NRXN3: variants seen among roughly 807,000 people sequenced by gnomAD.
The protein encoded by NRXN3 is neurexin III.
A neutral mutation model predicts 137.6 loss-of-function variants in NRXN3; 32 were observed. That is an observed-to-expected ratio of 0.23 (90% CI 0.18 to 0.31). NRXN3 has a LOEUF of 0.31. Ranked by LOEUF, NRXN3 falls within the 10% of genes least tolerant of loss-of-function variation. NRXN3 has a pLI of 1.00. For missense variants in NRXN3, 1,574 were observed against 2,062.5 expected, an observed-to-expected ratio of 0.76 and a Z score of 4.59; for synonymous variants, 798 against 784.5, an observed-to-expected ratio of 1.02 and a Z score of -0.29.
intron 16 of NRXN3, among the ~76,000 whole-genome samples, chr14:79,585,905 A>G (rs1463097527): frequency 6.6e-6 from 1 of 152,164 alleles, no homozygotes; most frequent in Admixed American, 6.5e-5. Context: ...ATTAATTACC[A>G]TGCCCACACC....
chr14:78,833,223 C>G (rs190364129), intron 10 of NRXN3, among the ~76,000 whole-genome samples: 64 of 152,246 alleles, frequency 4.2e-4, no homozygotes, highest in Admixed American at 3.3e-3. Flanking sequence ...GTTCAGTGAT[C>G]CTGACTGTGT....
At chr14:79,393,173 C>A (rs2094910263) in intron 15 of NRXN3, among the ~76,000 whole-genome samples, 1 of 151,876 alleles carries the variant, frequency 6.6e-6, no homozygotes, top group Non-Finnish European at 1.5e-5. Context: ...GAAGTCTTTG[C>A]TCACAGAAGT....
intron 16 of NRXN3, among the ~76,000 whole-genome samples, chr14:79,580,269 T>C (rs1303030571): frequency 6.6e-6 from 1 of 152,184 alleles, no homozygotes; most frequent in Non-Finnish European, 1.5e-5. Flanking sequence ...CAAATGTCCC[T>C]TTGATATATT....
chr14:79,634,716 T>A (rs913028346), intron 16 of NRXN3, among the ~76,000 whole-genome samples: 2 of 152,194 alleles, frequency 1.3e-5, no homozygotes, highest in East Asian at 3.9e-4. Flanking sequence ...TGCTCTTTCC[T>A]CTTTCCTTTA....
At chr14:79,128,731 G>A (rs2056974206) in intron 15 of NRXN3, among the ~76,000 whole-genome samples, 4 of 152,140 alleles carry the variant, frequency 2.6e-5, no homozygotes, top group Admixed American at 2.0e-4. Context: ...TCTATTGATT[G>A]GAATAGTTTC....
intron 8 of NRXN3, among the ~76,000 whole-genome samples, chr14:78,785,561 T>C (rs1021622835): frequency 2.0e-5 from 3 of 152,176 alleles, no homozygotes; most frequent in Non-Finnish European, 4.4e-5. Context: ...ACAATATACT[T>C]TGCCAGCCCT....
chr14:79,655,229 G>T (rs955257907), intron 16 of NRXN3, among the ~76,000 whole-genome samples: 1 of 152,172 alleles, frequency 6.6e-6, no homozygotes, highest in Non-Finnish European at 1.5e-5. Context: ...AGTCAGTAGG[G>T]AACAGGGTTA....
chr14:78,511,183 C>T (rs1052945918), intron 4 of NRXN3, among the ~76,000 whole-genome samples: 3 of 152,136 alleles, frequency 2.0e-5, no homozygotes, highest in Admixed American at 6.6e-5. Flanking sequence ...CAAAAAACAT[C>T]TAACAACGGA....
intron 15 of NRXN3, among the ~76,000 whole-genome samples, chr14:79,253,957 T>C (rs967426992): frequency 1.3e-5 from 2 of 152,236 alleles, no homozygotes; most frequent in East Asian, 3.8e-4. Flanking sequence ...TGTAAGTTCA[T>C]AGTTTCAGCT....
At chr14:79,745,159 ACACTT>A (rs2098975770) in intron 19 of NRXN3, among the ~76,000 whole-genome samples, 2 of 152,140 alleles carry the variant, frequency 1.3e-5, no homozygotes, top group Non-Finnish European at 2.9e-5. Flanking sequence ...AATGAGTTGT[ACACTT>A]GGTTAATTTC....
At chr14:79,233,567 A>G (rs994005057) in intron 15 of NRXN3, among the ~76,000 whole-genome samples, 2 of 152,152 alleles carry the variant, frequency 1.3e-5, no homozygotes, top group African/African-American at 4.8e-5. Flanking sequence ...GATGCCATTT[A>G]GAGAAACTTG....
chr14:79,162,476 C>T (rs542865427), intron 15 of NRXN3, among the ~76,000 whole-genome samples: 1 of 151,992 alleles, frequency 6.6e-6, no homozygotes, highest in African/African-American at 2.4e-5. Context: ...GTGAACTCAT[C>T]ATTTTTTATG....
At chr14:78,889,149 T>A (rs957493397) in intron 10 of NRXN3, among the ~76,000 whole-genome samples, 4 of 152,010 alleles carry the variant, frequency 2.6e-5, no homozygotes, top group Non-Finnish European at 5.9e-5. Context: ...ACTTTTAGAA[T>A]CCGATTTTCA....
chr14:79,160,520 G>GCATAAAT lies in NRXN3; in HGVS notation c.3262+172381_3262+172382insTAAATCA, dbSNP rs2060660973. Among the ~76,000 whole-genome samples, 4 of 152,044 alleles carry GCATAAAT rather than the reference G, an allele frequency of 2.6e-5. No homozygotes were observed. The South Asian group carries it at 8.3e-4, about 31-fold the overall frequency. ...GAAATCTGTCACCATAAAGCATAAA[G>GCATAAAT]CAAAATCCTTCCCTCCTTTACTGAA... On this transcript the variant is annotated intron_variant, in intron 15 of 20. Transcript: ENST00000335750.
At chr14:78,649,383 C>G (rs2097717577) in intron 5 of NRXN3, 3 of 510,778 alleles carry the variant, frequency 5.9e-6, no homozygotes, top group Non-Finnish European at 9.5e-6. Flanking sequence ...CTCCAACCCC[C>G]CCTTTTATCC....
intron 16 of NRXN3, among the ~76,000 whole-genome samples, chr14:79,563,338 C>T (rs1157422352): frequency 1.3e-5 from 2 of 152,024 alleles, no homozygotes; most frequent in Non-Finnish European, 2.9e-5. Context: ...CCAGTGGGTT[C>T]TCACCCTTCA....
chr14:78,283,732 C>T (rs2074763750), intron 3 of NRXN3, among the ~76,000 whole-genome samples: 1 of 152,190 alleles, frequency 6.6e-6, no homozygotes, highest in Admixed American at 6.5e-5. Flanking sequence ...TTGTCTCAAA[C>T]TCCTGACCAC....
intron 20 of NRXN3, among the ~76,000 whole-genome samples, chr14:79,843,300 T>C (rs755143717): frequency 2.0e-5 from 3 of 152,216 alleles, no homozygotes; most frequent in Non-Finnish European, 4.4e-5. Context: ...AACAGCACTA[T>C]ATCTTTTAAA....
chr14:79,256,012 C>A (rs2153386588), intron 15 of NRXN3, among the ~76,000 whole-genome samples: 1 of 152,286 alleles, frequency 6.6e-6, no homozygotes, highest in African/African-American at 2.4e-5. Context: ...AAGGGAAAAA[C>A]AACACTTCAT....
Sources: allele counts gnomAD v4.1 joint callset (sites outside exome capture counted in the v4.1 genomes callset), GRCh38; gene constraint gnomAD v4.1.1; transcripts MANE v1.5; gene names NCBI Gene and HGNC (gene_info 2026-07-23, HGNC 2026-07-21).